The following GALNT17 variants were observed in gnomAD, a reference collection of about 807,000 sequenced individuals.
GALNT17 encodes polypeptide N-acetylgalactosaminyltransferase 17, also known as UDP-GalNAc:polypeptide N-acetylgalactosaminyltransferase-like 3.
Under a neutral mutation model 63.7 loss-of-function variants are expected in GALNT17, and 29 were observed. The observed-to-expected ratio is 0.46, with a 90% CI of 0.34 to 0.62. The LOEUF (loss-of-function observed/expected upper bound fraction) is 0.62, where lower values mean the gene tolerates loss of function less well. Among genes scored for constraint, GALNT17 ranks in the 20% least tolerant of loss-of-function variants. GALNT17 has a pLI of 0.01. For missense variants in GALNT17, 603 were observed against 799.6 expected (o/e 0.75, Z 2.97); for synonymous variants, 305 against 318.3 (o/e 0.96, Z 0.45).
chr7:71,513,791 T>G (rs974580706), intron 5 of GALNT17, among the ~76,000 whole-genome samples: 1 of 152,188 alleles, frequency 6.6e-6, no homozygotes, highest in African/African-American at 2.4e-5. Flanking sequence ...GAAGAAAGGC[T>G]TTCTGTATCC....
intron 1 of GALNT17, among the ~76,000 whole-genome samples, chr7:71,323,397 C>T (rs1791650710): frequency 6.6e-6 from 1 of 152,162 alleles, no homozygotes; most frequent in Admixed American, 6.5e-5. Flanking sequence ...ACCCAAGATT[C>T]TAAGTTGGAC....
chr7:71,299,884 G>A (rs1472591094), intron 1 of GALNT17, among the ~76,000 whole-genome samples: 1 of 152,086 alleles, frequency 6.6e-6, no homozygotes, highest in Admixed American at 6.6e-5. Context: ...TCCTGCCTCA[G>A]CCTCTGGAGT....
At chr7:71,249,938 CA>C in intron 1 of GALNT17, among the ~76,000 whole-genome samples, 1 of 152,316 alleles carries the variant, frequency 6.6e-6, no homozygotes, top group Admixed American at 6.5e-5. Flanking sequence ...ATATTTTTAA[CA>C]AATGGGCCCA....
At chr7:71,488,574 CTTTTTTT>C (rs965444360) in intron 5 of GALNT17, among the ~76,000 whole-genome samples, 4 of 100,664 alleles carry the variant, frequency 4.0e-5, no homozygotes, top group South Asian at 3.6e-4. Flanking sequence ...ACTTGCCCTT[CTTTTTTT>C]TTTTTTTTTT....
intron 7 of GALNT17, among the ~76,000 whole-genome samples, chr7:71,667,970 C>T (rs894171143): frequency 3.3e-5 from 5 of 152,000 alleles, no homozygotes; most frequent in African/African-American, 1.2e-4. Context: ...GTCTAACTTC[C>T]GTATTTTTTG....
chr7:71,206,434 C>T (rs929944587), intron 1 of GALNT17, among the ~76,000 whole-genome samples: 6 of 152,018 alleles, frequency 3.9e-5, no homozygotes, highest in African/African-American at 1.5e-4. Context: ...CAGCAGTGCT[C>T]AGAGCTCTCT....
At chr7:71,217,140 G>GTT (rs200574411) in intron 1 of GALNT17, among the ~76,000 whole-genome samples, 2,703 of 94,670 alleles carry the variant, frequency 0.029, 93 homozygotes, top group Non-Finnish European at 0.039. Context: ...ATTTTTTCGT[G>GTT]TTTTGTTTTT....
At chr7:71,312,723 G>A (rs1320996785) in intron 1 of GALNT17, among the ~76,000 whole-genome samples, 2 of 152,112 alleles carry the variant, frequency 1.3e-5, no homozygotes, top group Admixed American at 1.3e-4. Context: ...TTTTAACATA[G>A]TCACCTGTTT....
chr7:71,697,484 G>C (rs1791562530), intron 9 of GALNT17, among the ~76,000 whole-genome samples: 1 of 152,150 alleles, frequency 6.6e-6, no homozygotes, highest in African/African-American at 2.4e-5. Context: ...AGAACTAGGG[G>C]ACTCTGGGTG....
intron 1 of GALNT17, among the ~76,000 whole-genome samples, chr7:71,263,889 ACT>A (rs1349254639): frequency 6.6e-6 from 1 of 152,114 alleles, no homozygotes; most frequent in Non-Finnish European, 1.5e-5. Context: ...ACACCACTGC[ACT>A]CCAGCCTGGG....
intron 9 of GALNT17, among the ~76,000 whole-genome samples, chr7:71,703,815 G>C (rs932200707): frequency 2.6e-5 from 4 of 152,178 alleles, no homozygotes; most frequent in Non-Finnish European, 5.9e-5. Context: ...TGTGGGAAGA[G>C]GGTCAGAGAC....
chr7:71,258,987 A>G (rs1790334377), intron 1 of GALNT17, among the ~76,000 whole-genome samples: 1 of 152,126 alleles, frequency 6.6e-6, no homozygotes, highest in Admixed American at 6.6e-5. Flanking sequence ...TGCTCAGGGT[A>G]TGTGTATATG....
At chr7:71,247,259 T>C (rs1051128307) in intron 1 of GALNT17, among the ~76,000 whole-genome samples, 9 of 152,180 alleles carry the variant, frequency 5.9e-5, no homozygotes, top group Non-Finnish European at 1.2e-4. Flanking sequence ...CTGGAGAATG[T>C]TTTAAAATAG....
chr7:71,428,046 G>T (rs1294514631), intron 5 of GALNT17, among the ~76,000 whole-genome samples: 1 of 152,160 alleles, frequency 6.6e-6, no homozygotes, highest in Non-Finnish European at 1.5e-5. Context: ...CTGATCTAGA[G>T]CATCCCTTTT....
At chr7:71,393,491 A>G (rs553041987) in intron 3 of GALNT17, among the ~76,000 whole-genome samples, 4 of 152,294 alleles carry the variant, frequency 2.6e-5, no homozygotes, top group Admixed American at 2.0e-4. Flanking sequence ...GTTAAGATCA[A>G]TAGTATAAAC....
chr7:71,670,110 G>A lies in GALNT17; in HGVS notation c.1404+1G>A. The A allele has an allele frequency of 6.2e-7, 1 of 1,614,046 alleles. No individual in the cohort carries two copies. The highest frequency in any genetic ancestry group is 8.5e-7 in the Non-Finnish European group (1 of 1,179,956). ...CAATAATACCGTTGCTTACGGGGAGGTAATTCAGACCGTGCATGCTTTTGG... is the reference window on the plus strand; with the variant it reads ...CAATAATACCGTTGCTTACGGGGAGATAATTCAGACCGTGCATGCTTTTGG... On this transcript the variant is annotated splice_donor_variant, in intron 8 of 10. Coordinates refer to ENST00000333538, the MANE Select transcript of GALNT17 (RefSeq NM_022479.3). LOFTEE classifies it high-confidence loss of function.
intron 5 of GALNT17, among the ~76,000 whole-genome samples, chr7:71,541,389 C>T (rs1788889138): frequency 6.6e-6 from 1 of 151,660 alleles, no homozygotes; most frequent in Non-Finnish European, 1.5e-5. Context: ...CCCATCTCTA[C>T]TAAAAATACA....
intron 5 of GALNT17, among the ~76,000 whole-genome samples, chr7:71,484,204 C>T (rs116668419): frequency 0.023 from 3,484 of 152,112 alleles, 59 homozygotes; most frequent in African/African-American, 0.036. Flanking sequence ...TATTATATAC[C>T]GGGCCAGATG....
chr7:71,709,129 T>C (rs1198476646), intron 9 of GALNT17, among the ~76,000 whole-genome samples: 1 of 152,210 alleles, frequency 6.6e-6, no homozygotes, highest in African/African-American at 2.4e-5. Flanking sequence ...CTTTGATAAG[T>C]CTCCAAACTT....
Sources: gnomAD v4.1 joint callset for allele counts (sites outside exome capture counted in the v4.1 genomes callset) on GRCh38, gnomAD v4.1.1 for gene constraint, MANE v1.5 for transcripts, NCBI Gene and HGNC (gene_info 2026-07-23, HGNC 2026-07-21) for gene names.